Variants in LONP2 observed in about 807,000 individuals in gnomAD.
LONP2 encodes lon peptidase 2, peroxisomal, also known as lon protease homolog 2, peroxisomal.
Under a neutral mutation model 85.6 loss-of-function variants are expected in LONP2, and 60 were observed. The ratio of observed to expected loss-of-function variants is 0.70; its 90% CI spans 0.57 to 0.87. The LOEUF is 0.87. Ranked by LOEUF, LONP2 falls within the 40% of genes least tolerant of loss-of-function variation. LONP2 has a pLI of 0.00. For synonymous variants in LONP2, 395 were observed against 389.7 expected (o/e 1.01, Z -0.16); for missense variants, 860 against 1,063.5 (o/e 0.81, Z 2.66).
chr16:48,339,812 C>T (rs1239306132), intron 12 of LONP2, among the ~76,000 whole-genome samples: 6 of 151,982 alleles, frequency 3.9e-5, no homozygotes. Context: ...GTGTGAGCTG[C>T]ACAAGAGAGG....
At chr16:48,278,237 T>C (rs908430384) in intron 8 of LONP2, among the ~76,000 whole-genome samples, 3 of 152,200 alleles carry the variant, frequency 2.0e-5, no homozygotes, top group African/African-American at 7.2e-5. Flanking sequence ...AATCGTCTAA[T>C]TCTGTCAAGA....
chr16:48,287,228 G>T (rs548305544), intron 8 of LONP2, among the ~76,000 whole-genome samples: 1 of 152,216 alleles, frequency 6.6e-6, no homozygotes, highest in Non-Finnish European at 1.5e-5. Flanking sequence ...CAGAGCCTCA[G>T]TGTCTGCCAA....
At chr16:48,308,712 C>G (rs1330739618) in intron 11 of LONP2, among the ~76,000 whole-genome samples, 1 of 149,906 alleles carries the variant, frequency 6.7e-6, no homozygotes, top group Admixed American at 6.6e-5. Flanking sequence ...AGAAGAAAAT[C>G]TAGAAAAAAT....
At chr16:48,277,102 T>C (rs1972223816) in intron 7 of LONP2, among the ~76,000 whole-genome samples, 1 of 152,226 alleles carries the variant, frequency 6.6e-6, no homozygotes, top group African/African-American at 2.4e-5. Context: ...CAAAATGTGA[T>C]ACAGTTCTTC....
chr16:48,273,787 T>C (rs1972151639), intron 7 of LONP2, among the ~76,000 whole-genome samples: 1 of 152,194 alleles, frequency 6.6e-6, no homozygotes, highest in Non-Finnish European at 1.5e-5. Context: ...TATATTATTG[T>C]TATGATATAT....
chr16:48,308,824 G>T (rs1450581977), intron 11 of LONP2, among the ~76,000 whole-genome samples: 1 of 151,930 alleles, frequency 6.6e-6, no homozygotes, highest in African/African-American at 2.4e-5. Flanking sequence ...AAACTAAAAA[G>T]CTTTTTATAC....
At chr16:48,257,457 A>G (rs144670130) in intron 3 of LONP2, among the ~76,000 whole-genome samples, 2,997 of 152,240 alleles carry the variant, frequency 0.02, 35 homozygotes, top group Non-Finnish European at 0.028. Flanking sequence ...AATCACACCT[A>G]TGATGCATTA....
intron 8 of LONP2, among the ~76,000 whole-genome samples, chr16:48,290,783 G>A (rs1406558163): frequency 2.6e-5 from 4 of 152,068 alleles, no homozygotes; most frequent in Non-Finnish European, 2.9e-5. Flanking sequence ...TGTCACATAG[G>A]CCTGATTGAT....
chr16:48,249,040 T>C (rs1464101463), intron 1 of LONP2, among the ~76,000 whole-genome samples: 1 of 152,214 alleles, frequency 6.6e-6, no homozygotes, highest in African/African-American at 2.4e-5. Context: ...GGAACTCTTA[T>C]ATTATTTAGG....
At chr16:48,303,426 T>A (rs761110693) in intron 11 of LONP2, 121 bp downstream of exon 11, 6 of 1,052,442 alleles carry the variant, frequency 5.7e-6, no homozygotes, top group East Asian at 4.8e-5. Flanking sequence ...ATGACTCCAC[T>A]GTTAAATGCA....
intron 11 of LONP2, among the ~76,000 whole-genome samples, chr16:48,328,446 G>T (rs527526034): frequency 1.3e-5 from 2 of 151,762 alleles, no homozygotes; most frequent in Non-Finnish European, 2.9e-5. Context: ...TTGAGAGGCC[G>T]TGGCGGGTGG....
At chr16:48,293,384 C>T (rs111947463) in intron 8 of LONP2, among the ~76,000 whole-genome samples, 2,575 of 151,782 alleles carry the variant, frequency 0.017, 58 homozygotes, top group African/African-American at 0.057. Context: ...GCCGAGATCG[C>T]GCCACTGCAC....
chr16:48,336,696 G>A (rs921771867), intron 12 of LONP2, among the ~76,000 whole-genome samples: 2 of 152,146 alleles, frequency 1.3e-5, no homozygotes, highest in Non-Finnish European at 2.9e-5. Context: ...CAGTTAAGGT[G>A]GGACAGAAAC....
At chr16:48,258,553 G>T in intron 3 of LONP2, 65 bp from the exon 4 acceptor site, 1 of 1,495,226 alleles carries the variant, frequency 6.7e-7, no homozygotes, top group South Asian at 1.4e-5. Flanking sequence ...CCATGGCTCT[G>T]ACTGTCTGTT....
intron 7 of LONP2, 93 bp from the exon 8 acceptor site, chr16:48,277,245 G>A (rs1350593941): frequency 8.1e-7 from 1 of 1,233,918 alleles, no homozygotes; most frequent in Non-Finnish European, 1.1e-6. Flanking sequence ...ATAGCTAAAT[G>A]ATCTTTTCAC....
intron 11 of LONP2, among the ~76,000 whole-genome samples, chr16:48,312,590 C>G (rs1241347076): frequency 1.3e-5 from 2 of 152,082 alleles, no homozygotes; most frequent in Non-Finnish European, 2.9e-5. Context: ...AGTATGGTGG[C>G]TTTCTCAAAT....
intron 7 of LONP2, among the ~76,000 whole-genome samples, chr16:48,273,863 T>C (rs1290385114): frequency 6.6e-6 from 1 of 152,144 alleles, no homozygotes; most frequent in African/African-American, 2.4e-5. Flanking sequence ...ATAATAAAAT[T>C]ATATTATTGC....
At chr16:48,334,697 C>T in intron 12 of LONP2, 2 of 563,366 alleles carry the variant, frequency 3.6e-6, no homozygotes, top group Non-Finnish European at 7.0e-6. Flanking sequence ...GAGTGTGTGG[C>T]CATCCTTCAG....
intron 12 of LONP2, among the ~76,000 whole-genome samples, chr16:48,343,293 T>G (rs140057741): frequency 6.4e-4 from 97 of 152,306 alleles, no homozygotes; most frequent in African/African-American, 2.0e-3. Context: ...TTGTGCATGC[T>G]TACAATTTCA....
Sources: gnomAD v4.1 joint callset for allele counts (sites outside exome capture counted in the v4.1 genomes callset) on GRCh38, gnomAD v4.1.1 for gene constraint, MANE v1.5 for transcripts, NCBI Gene and HGNC (gene_info 2026-07-23, HGNC 2026-07-21) for gene names.